The following AFAP1L1 variants were observed in gnomAD, a reference collection of about 807,000 sequenced individuals.
AFAP1L1 encodes actin filament-associated protein 1-like 1.
Under a neutral mutation model 99.8 loss-of-function variants are expected in AFAP1L1, and 77 were observed. The ratio of observed to expected loss-of-function variants is 0.77; its 90% CI spans 0.64 to 0.93. The LOEUF (loss-of-function observed/expected upper bound fraction) is 0.93, where lower values mean the gene tolerates loss of function less well. Ranked by LOEUF, AFAP1L1 falls within the 40% of genes least tolerant of loss-of-function variation. The pLI is 0.00. For missense variants in AFAP1L1, 893 were observed against 996.8 expected (o/e 0.90, Z 1.40); for synonymous variants, 373 against 395.3 (o/e 0.94, Z 0.67).
chr5:149,342,090 T>A lies in AFAP1L1; in HGVS notation c.*2060T>A, dbSNP rs745755211. On this transcript the variant is annotated 3_prime_UTR_variant, in exon 19 of 19. Transcript: ENST00000296721. ...GCCAGCTTCACAGGCATGCAACCTG[T>A]GCAGTCACACAGGGCCCCATGCTTA... Among the ~76,000 whole-genome samples, 15 of 152,230 alleles carry A rather than the reference T, an allele frequency of 9.9e-5. No individual in the cohort carries two copies. The highest frequency in any genetic ancestry group is 1.9e-4 in the Non-Finnish European group (13 of 68,042).
rs1367677625 is a variant in AFAP1L1 at position 149,319,777 on chromosome 5, CAT to C, written c.1625+51_1625+52del. The C allele has an allele frequency of 1.9e-6, 3 of 1,596,618 alleles. No homozygotes were observed. The South Asian group carries it at 3.4e-5, about 18-fold the overall frequency. ...ACCTGCCCAGGACCTTTCCTGTCTC[CAT>C]CCCTCTCAGAGGCTGAGTCCAGCCC... On this transcript the variant is annotated intron_variant, in intron 13 of 18. Transcript: ENST00000296721.
At chr5:149,329,106 A>G (rs1315124183) in intron 15 of AFAP1L1, among the ~76,000 whole-genome samples, 1 of 152,156 alleles carries the variant, frequency 6.6e-6, no homozygotes, top group African/African-American at 2.4e-5. Flanking sequence ...AAAACTGACT[A>G]TAAAATATGC....
In AFAP1L1 at chr5:149,310,071, A is replaced by G; in HGVS notation, c.863A>G (p.Gln288Arg). Residue 288 changes from glutamine to arginine, a missense_variant, in exon 8 of 19, where the codon CAG becomes CGG. Physicochemically the swap from Gln to Arg is conservative, Grantham distance 43 (BLOSUM62 1). Coordinates refer to ENST00000296721, the MANE Select transcript of AFAP1L1 (RefSeq NM_152406.4). Reference protein sequence around the residue: ...RHKRHELRFTQGATEVLVLAL... With the variant: ...RHKRHELRFTRGATEVLVLAL... ...AAGAGGCACGAGCTGCGTTTCACCC[A>G]GGGGGCTACCGAGGTCTTGGTGCTG... The G allele has an allele frequency of 6.2e-7, 1 of 1,614,084 alleles. No individual in the cohort carries two copies. Among genetic ancestry groups the G allele is most frequent in the Non-Finnish European group, 8.5e-7 (1 of 1,179,976 alleles).
At chr5:149,331,182 A>G (rs569575566) in intron 16 of AFAP1L1, among the ~76,000 whole-genome samples, 21 of 152,288 alleles carry the variant, frequency 1.4e-4, no homozygotes, top group East Asian at 3.9e-4. Context: ...CATGCCTGTA[A>G]TCCTGGCACT....
At chr5:149,308,085 G>T (rs1756491228) in intron 7 of AFAP1L1, among the ~76,000 whole-genome samples, 1 of 151,876 alleles carries the variant, frequency 6.6e-6, no homozygotes, top group African/African-American at 2.4e-5. Context: ...GAAGGCTGAG[G>T]TTGCAGTGAA....
chr5:149,340,241 T>C lies in AFAP1L1; in HGVS notation c.*211T>C, dbSNP rs747791254. On this transcript the variant is annotated 3_prime_UTR_variant, in exon 19 of 19. Coordinates refer to ENST00000296721, the MANE Select transcript of AFAP1L1 (RefSeq NM_152406.4). ...AAGAGGGAAATGGAGAGCATCCTTA[T>C]GACTTTACAAAGGGTGGAAATGAGG... is the stretch of plus-strand genomic sequence containing the variant. 1.2e-5 allele frequency: 7 copies of C among 562,144 alleles called. No homozygotes were observed. Among genetic ancestry groups the C allele is most frequent in the Non-Finnish European group, 2.2e-5 (7 of 313,634 alleles). 34.8% of individuals were successfully genotyped at this position (562,144 alleles called of 1,614,324 possible). A position where few individuals can be genotyped will look rare whatever the true frequency, so the allele number is the denominator to read the frequency against.
At position 149,274,716 on chromosome 5, in the gene AFAP1L1, T is replaced by TA. The variant is rs375436739; in HGVS notation, c.16+2737dup. 3.6e-3 allele frequency among the ~76,000 whole-genome samples: 551 copies of TA among 151,930 alleles called. 3 individuals are homozygous for TA. The highest frequency in any genetic ancestry group is 0.013 in the African/African-American group (521 of 41,428). On this transcript the variant is annotated intron_variant, in intron 1 of 18. Transcript: ENST00000296721. ...CAACATGGTGAAACCACATCTCTAC[T>TA]AAAAATACAAAAATGAGCTGGGTGT...
intron 15 of AFAP1L1, among the ~76,000 whole-genome samples, chr5:149,328,800 C>T (rs928537748): frequency 6.6e-6 from 1 of 151,828 alleles, no homozygotes; most frequent in African/African-American, 2.4e-5. Flanking sequence ...GGTGACAGAG[C>T]GAGACTCTGT....
chr5:149,294,340 A>G (rs991364785), intron 1 of AFAP1L1, among the ~76,000 whole-genome samples: 2 of 152,180 alleles, frequency 1.3e-5, no homozygotes, highest in Non-Finnish European at 2.9e-5. Flanking sequence ...CACTTTTCAT[A>G]TGCCTTATAC....
chr5:149,304,042 A>T (rs1756319550), intron 5 of AFAP1L1, among the ~76,000 whole-genome samples: 1 of 152,114 alleles, frequency 6.6e-6, no homozygotes, highest in Non-Finnish European at 1.5e-5. Context: ...TCCCCACCCC[A>T]GCCCCTGCTA....
chr5:149,321,453 G>A (rs1376393215), intron 14 of AFAP1L1, among the ~76,000 whole-genome samples: 5 of 152,292 alleles, frequency 3.3e-5, no homozygotes, highest in African/African-American at 9.6e-5. Flanking sequence ...GGGTCTGGGT[G>A]CCGTGGCTCA....
Position 149,322,635 on chromosome 5 carries a change from C to A in AFAP1L1, c.1728C>A (p.Ala576=), listed in dbSNP as rs375872343. 4 of 1,588,278 alleles carry A rather than the reference C, an allele frequency of 2.5e-6. No homozygotes were observed. Among genetic ancestry groups the A allele is most frequent in the African/African-American group, 1.3e-5 (1 of 74,436 alleles). Reference sequence around the variant, plus strand: ...AGGAGCCCGAGCGCCCCACAGGGGCCCAGGTGAAGCGTCACGCCTCCTCCT... The same window carrying A: ...AGGAGCCCGAGCGCCCCACAGGGGCACAGGTGAAGCGTCACGCCTCCTCCT... The part of the protein sequence containing the change: ...QDEEPERPTG[A]QVKRHASSCS... Residue 576 remains alanine (A), a synonymous_variant, in exon 15 of 19, where the codon GCC becomes GCA. Coordinates refer to ENST00000296721, the MANE Select transcript of AFAP1L1 (RefSeq NM_152406.4).
chr5:149,312,069 G>T (rs746290546), intron 8 of AFAP1L1, 43 bp from the exon 9 acceptor site: 5 of 1,576,624 alleles, frequency 3.2e-6, no homozygotes, highest in Non-Finnish European at 4.3e-6. Context: ...TGCATCAACA[G>T]CTTCCCTGCC....
intron 16 of AFAP1L1, among the ~76,000 whole-genome samples, chr5:149,331,313 A>C (rs1757250992): frequency 6.6e-6 from 1 of 152,156 alleles, no homozygotes; most frequent in Admixed American, 6.5e-5. Context: ...ATTTTTAAAG[A>C]AAATTTAAAA....
intron 1 of AFAP1L1, among the ~76,000 whole-genome samples, chr5:149,273,149 G>A (rs546081121): frequency 6.7e-6 from 1 of 150,108 alleles, no homozygotes; most frequent in African/African-American, 2.5e-5. Flanking sequence ...CTGCACCTCT[G>A]GGATCCAAAG....
At chr5:149,328,721 G>C (rs1475625866) in intron 15 of AFAP1L1, among the ~76,000 whole-genome samples, 3 of 152,116 alleles carry the variant, frequency 2.0e-5, no homozygotes, top group African/African-American at 7.2e-5. Context: ...GGCTGAGGCA[G>C]GAGAATCGCT....
In AFAP1L1 at chr5:149,316,150, G is replaced by A; in HGVS notation, c.1115-1G>A. The stretch of plus-strand genomic sequence containing the variant: ...ACTCCCCTGACCCATTTCCCCAACA[G>A]GCAAAGGGAAGAAGAGCAGCCTGGC... On this transcript the variant is annotated splice_acceptor_variant, in intron 10 of 18. Transcript: ENST00000296721. LOFTEE classifies it high-confidence loss of function. 1 of 1,612,680 alleles carries A rather than the reference G, an allele frequency of 6.2e-7. No individual in the cohort carries two copies. Among genetic ancestry groups the A allele is most frequent in the Non-Finnish European group, 8.5e-7 (1 of 1,178,868 alleles).
intron 1 of AFAP1L1, 125 bp downstream of exon 1, chr5:149,272,109 G>C: frequency 9.9e-7 from 1 of 1,005,498 alleles, no homozygotes; most frequent in South Asian, 5.1e-5. Context: ...GGAACGCTCG[G>C]AGGGGACTGG....
At chr5:149,277,033 T>C (rs188415551) in intron 1 of AFAP1L1, among the ~76,000 whole-genome samples, 242 of 152,370 alleles carry the variant, frequency 1.6e-3, no homozygotes, top group Middle Eastern at 3.4e-3. Flanking sequence ...TTCATTCTTC[T>C]TGGATCACCA....
Sources: gnomAD v4.1 joint callset for allele counts (sites outside exome capture counted in the v4.1 genomes callset) on GRCh38, gnomAD v4.1.1 for gene constraint, MANE v1.5 for transcripts, NCBI Gene and HGNC (gene_info 2026-07-23, HGNC 2026-07-21) for gene names.